TMEM74: variants seen among roughly 807,000 people sequenced by gnomAD.
TMEM74 encodes the protein transmembrane protein 74.
A neutral mutation model predicts 18.1 loss-of-function variants in TMEM74; 13 were observed. The observed-to-expected ratio is 0.72, with a 90% confidence interval of 0.47 to 1.14. TMEM74 has a LOEUF of 1.14. Among genes scored for constraint, TMEM74 ranks in the 50% most tolerant of loss-of-function variants. TMEM74 has a pLI of 0.00. For missense variants in TMEM74, 372 were observed against 375.9 expected, an observed-to-expected ratio of 0.99 and a Z score of 0.09; for synonymous variants, 159 against 146.6, an observed-to-expected ratio of 1.08 and a Z score of -0.61.
chr8:108,658,502 A>G (rs1440962087), intron 1 of TMEM74, among the ~76,000 whole-genome samples: 1 of 152,204 alleles, frequency 6.6e-6, no homozygotes, highest in East Asian at 1.9e-4. Flanking sequence ...TACCCAATTT[A>G]GAAGAAAATA....
intron 1 of TMEM74, among the ~76,000 whole-genome samples, chr8:108,754,649 A>C (rs1160313294): frequency 7.5e-6 from 1 of 133,738 alleles, no homozygotes; most frequent in Non-Finnish European, 1.6e-5. Context: ...ATAGGTAGGT[A>C]GGTAGGTAGG....
intron 1 of TMEM74, among the ~76,000 whole-genome samples, chr8:108,763,383 G>A (rs899094082): frequency 1.3e-5 from 2 of 152,092 alleles, no homozygotes; most frequent in Non-Finnish European, 2.9e-5. Flanking sequence ...CTGAGATTTA[G>A]CCATATAAAC....
intron 1 of TMEM74, among the ~76,000 whole-genome samples, chr8:108,697,709 C>T (rs1411935545): frequency 1.3e-5 from 2 of 152,172 alleles, no homozygotes; most frequent in East Asian, 1.9e-4. Context: ...CAGCCAATTC[C>T]TTCTTACTAT....
chr8:108,748,230 T>G (rs1294923325), intron 1 of TMEM74, among the ~76,000 whole-genome samples: 2 of 152,172 alleles, frequency 1.3e-5, no homozygotes, highest in African/African-American at 4.8e-5. Context: ...GCACCTGTTG[T>G]TTATTGACTT....
chr8:108,713,350 A>G (rs1338428261), intron 1 of TMEM74, among the ~76,000 whole-genome samples: 1 of 150,052 alleles, frequency 6.7e-6, no homozygotes, highest in African/African-American at 2.5e-5. Flanking sequence ...AAAAATTCTA[A>G]TGGCCTTAAA....
intron 1 of TMEM74, among the ~76,000 whole-genome samples, chr8:108,660,632 A>G (rs988589514): frequency 6.6e-6 from 1 of 152,122 alleles, no homozygotes; most frequent in Non-Finnish European, 1.5e-5. Flanking sequence ...TACTGTTTAA[A>G]CCTACAGTTA....
chr8:108,747,965 G>GATGGGT (rs1233049824), intron 1 of TMEM74, among the ~76,000 whole-genome samples: 1 of 152,038 alleles, frequency 6.6e-6, no homozygotes, highest in Non-Finnish European at 1.5e-5. Flanking sequence ...GTTTATCATT[G>GATGGGT]ATGGGTATTT....
chr8:108,759,850 T>C (rs1814020754), intron 1 of TMEM74, among the ~76,000 whole-genome samples: 1 of 152,116 alleles, frequency 6.6e-6, no homozygotes, highest in Non-Finnish European at 1.5e-5. Flanking sequence ...TAAACCACTA[T>C]ATATTTTGAC....
chr8:108,758,504 C>T (rs1326400724), intron 1 of TMEM74, among the ~76,000 whole-genome samples: 1 of 152,030 alleles, frequency 6.6e-6, no homozygotes, highest in Non-Finnish European at 1.5e-5. Context: ...GGAGGAAAAG[C>T]AAATTGAGAC....
intron 1 of TMEM74, among the ~76,000 whole-genome samples, chr8:108,772,331 T>A (rs1052650168): frequency 6.6e-6 from 1 of 152,158 alleles, no homozygotes; most frequent in Non-Finnish European, 1.5e-5. Flanking sequence ...CTGACTTGTA[T>A]GTGGCATGAT....
At position 108,656,100 on chromosome 8, in the gene TMEM74, C is replaced by T. The variant is rs150145380; in HGVS notation, n.120-663G>A. On this transcript the variant is annotated intron_variant and non_coding_transcript_variant, in intron 1 of 3. Transcript: ENST00000518838. ...TTCAAAAGGAATTTTCCCCTCTCAG[C>T]GGTTTACTTTCGTCCCCAGGAGAGG... Among the ~76,000 whole-genome samples, 22 of 152,242 alleles carry T rather than the reference C, an allele frequency of 1.4e-4. No homozygotes were observed. The East Asian group carries it at 3.1e-3, about 21-fold the overall frequency.
At chr8:108,650,405 TC>T (rs1812761776) in intron 2 of TMEM74, among the ~76,000 whole-genome samples, 1 of 152,208 alleles carries the variant, frequency 6.6e-6, no homozygotes, top group Admixed American at 6.5e-5. Context: ...ACATTTTCTG[TC>T]CCAAACTATC....
chr8:108,714,747 T>C (rs1813506514), intron 1 of TMEM74, among the ~76,000 whole-genome samples: 2 of 152,118 alleles, frequency 1.3e-5, no homozygotes, highest in South Asian at 4.1e-4. Context: ...GCAACACTAT[T>C]CACAATAGCA....
chr8:108,782,171 G>T lies in TMEM74; in HGVS notation c.*2010C>A, dbSNP rs995262709. On this transcript the variant is annotated 3_prime_UTR_variant, in exon 2 of 2. Transcript: ENST00000297459. ...TCTTGTTTCAACATCATCCAAAGTG[G>T]ATCCTTAAGCAGGCTAGAGCTGGAC... Among the ~76,000 whole-genome samples, 5 of 151,958 alleles carry T rather than the reference G, an allele frequency of 3.3e-5. No homozygotes were observed. In the East Asian group the frequency reaches 9.7e-4, roughly 29 times the overall value.
intron 1 of TMEM74, among the ~76,000 whole-genome samples, chr8:108,678,694 A>T (rs1482263382): frequency 1.3e-5 from 2 of 149,758 alleles, no homozygotes; most frequent in Non-Finnish European, 3.0e-5. Flanking sequence ...TATAAAGCTG[A>T]CTTTATTGCT....
downstream of TMEM74, among the ~76,000 whole-genome samples, chr8:108,776,561 G>A (rs1259416352): frequency 6.6e-6 from 1 of 152,186 alleles, no homozygotes; most frequent in Non-Finnish European, 1.5e-5. Context: ...GACTATTCAA[G>A]GTCTAGAAGA....
intron 2 of TMEM74, among the ~76,000 whole-genome samples, chr8:108,623,254 A>G (rs1465248268): frequency 6.6e-6 from 1 of 152,082 alleles, no homozygotes; most frequent in Non-Finnish European, 1.5e-5. Context: ...GTCCTTTCTA[A>G]ATGCTGTGAA....
chr8:108,716,419 G>A (rs1362759153), intron 1 of TMEM74, among the ~76,000 whole-genome samples: 1 of 152,016 alleles, frequency 6.6e-6, no homozygotes, highest in Non-Finnish European at 1.5e-5. Context: ...TGGTGCTAAA[G>A]GGGCAAATGA....
At chr8:108,756,417 G>A (rs921983089) in intron 1 of TMEM74, among the ~76,000 whole-genome samples, 9 of 151,186 alleles carry the variant, frequency 6.0e-5, no homozygotes, top group Admixed American at 3.3e-4. Flanking sequence ...TGTATTCTTG[G>A]TATAGTTAAC....
Sources: allele counts gnomAD v4.1 joint callset (sites outside exome capture counted in the v4.1 genomes callset), GRCh38; gene constraint gnomAD v4.1.1; transcripts MANE v1.5; gene names NCBI Gene and HGNC (gene_info 2026-07-23, HGNC 2026-07-21).